Variants in CHRNA3 observed in about 807,000 individuals in gnomAD.
CHRNA3 encodes the protein neuronal acetylcholine receptor subunit alpha-3.
Under a neutral mutation model 41.9 loss-of-function variants are expected in CHRNA3, and 34 were observed. The observed-to-expected ratio is 0.81, with a 90% CI of 0.62 to 1.08. The LOEUF (loss-of-function observed/expected upper bound fraction) is 1.08, where lower values mean the gene tolerates loss of function less well. Among genes scored for constraint, CHRNA3 ranks in the 50% least tolerant of loss-of-function variants. The probability of loss-of-function intolerance (pLI) is 0.00; values close to 1 mark genes in which losing one functional copy is unlikely to be tolerated. For synonymous variants in CHRNA3, 281 were observed against 265.2 expected (o/e 1.06, Z -0.58); for missense variants, 542 against 638.3 (o/e 0.85, Z 1.63).
chr15:78,615,740 T>G (rs1218615047), intron 4 of CHRNA3, among the ~76,000 whole-genome samples: 1 of 12,752 alleles, frequency 7.8e-5, no homozygotes, highest in Non-Finnish European at 1.2e-4. Flanking sequence ...GGCACCTGTA[T>G]TTTTTTTTTT....
chr15:78,620,582 G>C, intron 1 of CHRNA3, 131 bp downstream of exon 1: 1 of 1,355,434 alleles, frequency 7.4e-7, no homozygotes, highest in Non-Finnish European at 9.5e-7. Flanking sequence ...GTCTGCGCGG[G>C]TTCCGAGTCC....
intron 5 of CHRNA3, among the ~76,000 whole-genome samples, chr15:78,597,178 G>A (rs1358348926): frequency 6.6e-6 from 1 of 152,158 alleles, no homozygotes; most frequent in African/African-American, 2.4e-5. Flanking sequence ...TGTAATCCCA[G>A]CACTTTGGGA....
intron 4 of CHRNA3, among the ~76,000 whole-genome samples, chr15:78,611,722 G>A (rs2141338280): frequency 6.6e-6 from 1 of 151,784 alleles, no homozygotes; most frequent in South Asian, 2.1e-4. Flanking sequence ...TCTGGCCAGG[G>A]CAATTAGGCA....
chr15:78,601,884 A>G lies in CHRNA3; in HGVS notation c.758T>C (p.Leu253Pro). 1 of 1,614,164 alleles carries G rather than the reference A, an allele frequency of 6.2e-7. No individual in the cohort carries two copies. The highest frequency in any genetic ancestry group is 1.3e-5 in the African/African-American group (1 of 75,048). The change falls in exon 5 of 6, where the codon CTG becomes CCG. Residue 253 changes from leucine to proline, a missense_variant. Leu to Pro is a moderately conservative substitution (Grantham distance 98). Coordinates refer to ENST00000326828, the MANE Select transcript of CHRNA3 (RefSeq NM_000743.5). ...GAGCACAGTGAGGAAGGAGATGAGCAGGCAGGGGATGATGAGGTTGATGGT... is the reference window on the plus strand; with the variant it reads ...GAGCACAGTGAGGAAGGAGATGAGCGGGCAGGGGATGATGAGGTTGATGGT... Reference protein sequence around the residue: ...FYTINLIIPCLLISFLTVLVF... With the variant: ...FYTINLIIPCPLISFLTVLVF...
intron 4 of CHRNA3, among the ~76,000 whole-genome samples, chr15:78,614,458 TGGGAAAACA>T (rs1192104044): frequency 6.6e-6 from 1 of 152,196 alleles, no homozygotes; most frequent in African/African-American, 2.4e-5. Context: ...TGTGTTTCCT[TGGGAAAACA>T]GTAAATAAAA....
intron 4 of CHRNA3, among the ~76,000 whole-genome samples, chr15:78,612,163 T>C (rs1387368739): frequency 6.6e-6 from 1 of 152,066 alleles, no homozygotes; most frequent in African/African-American, 2.4e-5. Flanking sequence ...ATAGATTCAA[T>C]GCCATCCCCA....
downstream of CHRNA3, chr15:78,593,088 A>G: frequency 6.3e-7 from 1 of 1,598,886 alleles, no homozygotes; most frequent in Non-Finnish European, 8.5e-7. Flanking sequence ...TTTTTTCCTA[A>G]CAGGTTGTTG....
In CHRNA3 at chr15:78,601,383, G is replaced by A. The variant is rs201578163; in HGVS notation, c.1259C>T (p.Thr420Met). ...IKISNFSANL[T>M]RSSSSESVDA... ...AACAGATTCAGAACTAGAGCTTCTCGTGAGGTTAGCACTGAAATTGGAGAT... is the reference window on the plus strand; with the variant it reads ...AACAGATTCAGAACTAGAGCTTCTCATGAGGTTAGCACTGAAATTGGAGAT... The change falls in exon 5 of 6, where the codon ACG becomes ATG. Residue 420 changes from threonine (T) to methionine (M), a missense_variant. By Grantham distance (81) the Thr-to-Met change is moderately conservative (BLOSUM62 -1). Coordinates refer to ENST00000326828, the MANE Select transcript of CHRNA3 (RefSeq NM_000743.5). The A allele has an allele frequency of 1.5e-4, 244 of 1,614,190 alleles. No individual in the cohort carries two copies. In the Admixed American group the frequency reaches 2.2e-3, roughly 15 times the overall value.
chr15:78,603,616 G>A (rs777170917), intron 4 of CHRNA3, among the ~76,000 whole-genome samples: 1 of 152,160 alleles, frequency 6.6e-6, no homozygotes, highest in Non-Finnish European at 1.5e-5. Flanking sequence ...GGATATCCTT[G>A]TGCTGCTGTA....
chr15:78,606,333 C>CAAAAAAAAAAAAAAAAAAAAAAAAAAAAA (rs56305942), intron 4 of CHRNA3, among the ~76,000 whole-genome samples: 1 of 127,384 alleles, frequency 7.9e-6, no homozygotes, highest in Non-Finnish European at 1.6e-5. Context: ...GAAGATGTCT[C>CAAAAAAAAAAAAAAAAAAAAAAAAAAAAA]AAAAAAAAAA....
downstream of CHRNA3, chr15:78,593,928 A>C (rs1327276209): frequency 6.6e-6 from 1 of 152,312 alleles, no homozygotes; most frequent in East Asian, 1.9e-4. Flanking sequence ...AATCCCAGCT[A>C]CCTGGGAGGC....
intron 1 of CHRNA3, chr15:78,620,400 C>CGGGCA: frequency 4.4e-6 from 1 of 225,550 alleles, no homozygotes; most frequent in Non-Finnish European, 8.8e-6. Context: ...AGCGCGGGGA[C>CGGGCA]GCGAATCCCC....
intron 5 of CHRNA3, among the ~76,000 whole-genome samples, chr15:78,600,263 C>T (rs540016519): frequency 9.9e-5 from 15 of 151,972 alleles, no homozygotes; most frequent in African/African-American, 3.1e-4. Context: ...CTGTTAGAGA[C>T]GGGGTTTCGC....
chr15:78,613,372 A>G (rs2053409869), intron 4 of CHRNA3, among the ~76,000 whole-genome samples: 2 of 152,166 alleles, frequency 1.3e-5, no homozygotes, highest in African/African-American at 2.4e-5. Context: ...CATATACACC[A>G]TGGAATACTA....
At chr15:78,600,580 A>T (rs1048609881) in intron 5 of CHRNA3, among the ~76,000 whole-genome samples, 9 of 152,178 alleles carry the variant, frequency 5.9e-5, no homozygotes, top group African/African-American at 2.2e-4. Context: ...ACACATATAC[A>T]ATTAGAAAGT....
intron 4 of CHRNA3, among the ~76,000 whole-genome samples, chr15:78,615,770 G>A (rs199507788): frequency 7.7e-6 from 1 of 129,838 alleles, no homozygotes; most frequent in Admixed American, 8.7e-5. Flanking sequence ...TTGAGACGGA[G>A]TCTCACTGTC....
chr15:78,611,618 T>C (rs1368507597), intron 4 of CHRNA3, among the ~76,000 whole-genome samples: 1 of 152,184 alleles, frequency 6.6e-6, no homozygotes, highest in African/African-American at 2.4e-5. Flanking sequence ...AATATCATAC[T>C]GAATGCGCAC....
intron 4 of CHRNA3, among the ~76,000 whole-genome samples, chr15:78,607,684 C>T (rs997337833): frequency 6.6e-6 from 1 of 152,184 alleles, no homozygotes; most frequent in Non-Finnish European, 1.5e-5. Flanking sequence ...ATCTGAGGTA[C>T]CAGGTTCATC....
Position 78,618,920 on chromosome 15 carries a change from G to A in CHRNA3, c.83-5C>T, listed in dbSNP as rs759051091. 1.1e-5 allele frequency: 18 copies of A among 1,612,494 alleles called. No individual in the cohort carries two copies. The highest frequency in any genetic ancestry group is 5.3e-5 in the African/African-American group (4 of 74,898). ...CAGCCTCTGAGGCCCTGGCCACTGTGGGAAGCAGCCCTGTCAGTCCCTGGG... is the reference window on the plus strand; with the variant it reads ...CAGCCTCTGAGGCCCTGGCCACTGTAGGAAGCAGCCCTGTCAGTCCCTGGG... On this transcript the variant is annotated splice_region_variant and splice_polypyrimidine_tract_variant and intron_variant, in intron 1 of 5. Coordinates refer to ENST00000326828, the MANE Select transcript of CHRNA3 (RefSeq NM_000743.5).
Sources: gnomAD v4.1 joint callset for allele counts (sites outside exome capture counted in the v4.1 genomes callset) on GRCh38, gnomAD v4.1.1 for gene constraint, MANE v1.5 for transcripts, NCBI Gene and HGNC (gene_info 2026-07-23, HGNC 2026-07-21) for gene names.